Variants in AGO3 observed in about 807,000 individuals in gnomAD.
The protein encoded by AGO3 is argonaute RISC catalytic component 3, also known as protein argonaute-3.
In AGO3, 16 loss-of-function variants were observed where a neutral mutation model predicts 105.5. The observed-to-expected ratio is 0.15, with a 90% CI of 0.10 to 0.23. The LOEUF is 0.23. Among genes scored for constraint, AGO3 ranks in the 10% least tolerant of loss-of-function variants. AGO3 has a pLI of 1.00. For missense variants in AGO3, 534 were observed against 1,088.0 expected (o/e 0.49, Z 7.16); for synonymous variants, 340 against 367.3 (o/e 0.93, Z 0.85).
At chr1:35,968,414 A>G (rs1390351560) in intron 3 of AGO3, among the ~76,000 whole-genome samples, 1 of 152,186 alleles carries the variant, frequency 6.6e-6, no homozygotes, top group Non-Finnish European at 1.5e-5. Context: ...CTGAAACTCC[A>G]TATCCATTAA....
chr1:35,933,982 C>A (rs1421117484), intron 1 of AGO3, among the ~76,000 whole-genome samples: 1 of 151,878 alleles, frequency 6.6e-6, no homozygotes, highest in Non-Finnish European at 1.5e-5. Flanking sequence ...TGATTTAGTA[C>A]CATCAGAACT....
intron 11 of AGO3, among the ~76,000 whole-genome samples, chr1:36,025,581 A>G (rs1259066735): frequency 6.6e-6 from 1 of 152,188 alleles, no homozygotes; most frequent in Admixed American, 6.5e-5. Flanking sequence ...TTAAGCACCG[A>G]TAAGGAATAG....
At chr1:35,972,286 G>T in intron 4 of AGO3, 54 bp downstream of exon 4, 1 of 1,563,472 alleles carries the variant, frequency 6.4e-7, no homozygotes, top group Non-Finnish European at 8.8e-7. Flanking sequence ...AGAATGAATT[G>T]TGCAGGCTTC....
At chr1:35,962,198 T>C (rs1646688384) in intron 2 of AGO3, among the ~76,000 whole-genome samples, 1 of 152,104 alleles carries the variant, frequency 6.6e-6, no homozygotes, top group Non-Finnish European at 1.5e-5. Context: ...TCAAGTATAC[T>C]TAGAAAAAGT....
At position 36,057,858 on chromosome 1, in the gene AGO3, T is replaced by A. The variant is rs1249366641; in HGVS notation, c.*2113T>A. The stretch of plus-strand genomic sequence containing the variant: ...TGGGCGTGGTAGTGGGCACCTCTAA[T>A]CCCAGCTACTCGGGAGGCTGAGGCA... On this transcript the variant is annotated 3_prime_UTR_variant, in exon 19 of 19. Coordinates refer to ENST00000373191, the MANE Select transcript of AGO3 (RefSeq NM_024852.4). The A allele has an allele frequency of 6.6e-6, 1 of 151,998 alleles. No individual in the cohort carries two copies. Among genetic ancestry groups the A allele is most frequent in the African/African-American group, 2.4e-5 (1 of 41,340 alleles). 9.4% of individuals were successfully genotyped at this position (151,998 alleles called of 1,614,324 possible). A position where few individuals can be genotyped will look rare whatever the true frequency, so the allele number is the denominator to read the frequency against.
chr1:36,024,274 G>A (rs1481524182), intron 11 of AGO3, among the ~76,000 whole-genome samples: 2 of 151,782 alleles, frequency 1.3e-5, no homozygotes, highest in Admixed American at 6.6e-5. Flanking sequence ...AAGCAGCTGG[G>A]ACTACAGGCA....
intron 5 of AGO3, among the ~76,000 whole-genome samples, chr1:35,980,353 CT>C (rs1371737034): frequency 6.6e-6 from 1 of 152,216 alleles, no homozygotes; most frequent in Non-Finnish European, 1.5e-5. Context: ...TTCATATATT[CT>C]ACTCTTAACA....
At chr1:35,974,878 T>G (rs1434271158) in intron 5 of AGO3, among the ~76,000 whole-genome samples, 1 of 152,132 alleles carries the variant, frequency 6.6e-6, no homozygotes, top group Non-Finnish European at 1.5e-5. Context: ...CTTGCTCATC[T>G]TATATTTCCT....
intron 5 of AGO3, among the ~76,000 whole-genome samples, chr1:35,992,577 G>C (rs1286273191): frequency 6.6e-6 from 1 of 152,124 alleles, no homozygotes; most frequent in Non-Finnish European, 1.5e-5. Flanking sequence ...AATGATAATA[G>C]ATGCTCATTG....
intron 1 of AGO3, among the ~76,000 whole-genome samples, chr1:35,932,891 T>C (rs1341754087): frequency 6.6e-6 from 1 of 152,200 alleles, no homozygotes; most frequent in Non-Finnish European, 1.5e-5. Flanking sequence ...CCCAAAACTT[T>C]TAAAGATATT....
rs1002229272 is a variant in AGO3 at position 36,039,515 on chromosome 1, A to AAG, written c.1843-269_1843-268dup. On this transcript the variant is annotated intron_variant, in intron 14 of 18. Coordinates refer to ENST00000373191, the MANE Select transcript of AGO3 (RefSeq NM_024852.4). ...CTCAAAAAAAAAAAAAAAAAAAAAA[A>AAG]AGAGAGAAAGAGAGAGAGATGGGGT... is the stretch of plus-strand genomic sequence containing the variant. Among the ~76,000 whole-genome samples, 99 of 143,208 alleles carry AAG rather than the reference A, an allele frequency of 6.9e-4. 1 individual carries two copies. Among genetic ancestry groups the AAG allele is most frequent in the Non-Finnish European group, 9.2e-4 (62 of 67,112 alleles). The allele number at this position is 143,208 out of a possible 152,430, so 94.0% of individuals were successfully genotyped here.
At chr1:35,937,737 C>T (rs1238195367) in intron 1 of AGO3, among the ~76,000 whole-genome samples, 1 of 152,062 alleles carries the variant, frequency 6.6e-6, no homozygotes, top group East Asian at 1.9e-4. Flanking sequence ...TAAGCTTAAC[C>T]CTCAACTGGC....
At chr1:36,044,279 G>A in intron 17 of AGO3, among the ~76,000 whole-genome samples, 1 of 152,146 alleles carries the variant, frequency 6.6e-6, no homozygotes, top group East Asian at 1.9e-4. Flanking sequence ...CGGAGGCAGA[G>A]GGAGGTTGCC....
At chr1:36,041,073 A>G (rs1245920045) in intron 16 of AGO3, among the ~76,000 whole-genome samples, 1 of 129,024 alleles carries the variant, frequency 7.8e-6, no homozygotes, top group Non-Finnish European at 1.6e-5. Flanking sequence ...ACTCCATCTC[A>G]AAAAAAAAAA....
At chr1:36,028,879 CTA>C (rs1641637307) in intron 12 of AGO3, among the ~76,000 whole-genome samples, 1 of 152,104 alleles carries the variant, frequency 6.6e-6, no homozygotes, top group Non-Finnish European at 1.5e-5. Context: ...CAGGATCTCA[CTA>C]TGTTTCTCGG....
At chr1:36,007,009 G>T (rs1640366465) in intron 6 of AGO3, among the ~76,000 whole-genome samples, 1 of 152,206 alleles carries the variant, frequency 6.6e-6, no homozygotes. Flanking sequence ...ATAATTCTTT[G>T]TTGGGATAGG....
intron 1 of AGO3, among the ~76,000 whole-genome samples, chr1:35,937,230 C>T (rs907587948): frequency 3.9e-5 from 6 of 152,150 alleles, no homozygotes; most frequent in East Asian, 1.9e-4. Flanking sequence ...GGTGAAACCT[C>T]GTCTCTACTA....
At chr1:36,019,212 G>A (rs1641081092) in intron 11 of AGO3, among the ~76,000 whole-genome samples, 1 of 152,132 alleles carries the variant, frequency 6.6e-6, no homozygotes, top group Non-Finnish European at 1.5e-5. Context: ...ATACATTACA[G>A]CCTTGCAGCA....
chr1:36,031,398 C>A (rs1304282453), intron 12 of AGO3, among the ~76,000 whole-genome samples: 4 of 152,004 alleles, frequency 2.6e-5, no homozygotes, highest in East Asian at 1.9e-4. Context: ...CTGGAAAATT[C>A]TTTTAATATT....
Sources: allele counts gnomAD v4.1 joint callset (sites outside exome capture counted in the v4.1 genomes callset), GRCh38; gene constraint gnomAD v4.1.1; transcripts MANE v1.5; gene names NCBI Gene and HGNC (gene_info 2026-07-23, HGNC 2026-07-21).